SMARCAD1: variants seen among roughly 807,000 people sequenced by gnomAD.
SMARCAD1 encodes the protein SWI/SNF-related matrix-associated actin-dependent regulator of chromatin subfamily A containing DEAD/H box 1.
SMARCAD1 carries 25 observed loss-of-function variants against 127.1 expected under a neutral mutation model. The ratio of observed to expected loss-of-function variants is 0.20; its 90% CI spans 0.14 to 0.27. SMARCAD1 has a LOEUF of 0.27. Ranked by LOEUF, SMARCAD1 falls within the 10% of genes least tolerant of loss-of-function variation. The pLI is 1.00. For missense variants in SMARCAD1, 807 were observed against 1,206.0 expected (o/e 0.67, Z 4.90); for synonymous variants, 400 against 396.9 (o/e 1.01, Z -0.09).
intron 6 of SMARCAD1, among the ~76,000 whole-genome samples, chr4:94,246,080 C>T (rs986898238): frequency 6.6e-6 from 1 of 151,700 alleles, no homozygotes; most frequent in Non-Finnish European, 1.5e-5. Flanking sequence ...GGTACAGAGC[C>T]GTCTCTTAAC....
chr4:94,226,507 AT>A (rs60198579), intron 3 of SMARCAD1, among the ~76,000 whole-genome samples: 18,488 of 112,806 alleles, frequency 0.16, 1,560 homozygotes, highest in African/African-American at 0.29. Flanking sequence ...GATAACAGTG[AT>A]TTTTTTTTTT....
At chr4:94,245,937 A>C (rs28701470) in intron 6 of SMARCAD1, among the ~76,000 whole-genome samples, 86,449 of 151,482 alleles carry the variant, frequency 0.57, 24,802 homozygotes, top group East Asian at 0.72. Flanking sequence ...AAACTCTCTA[A>C]AACGATTTTC....
chr4:94,225,647 A>G (rs1435329365), intron 2 of SMARCAD1, among the ~76,000 whole-genome samples: 3 of 152,222 alleles, frequency 2.0e-5, no homozygotes, highest in East Asian at 3.9e-4. Context: ...GATGCTGGCT[A>G]TGTGCCAATT....
At chr4:94,282,746 T>G (rs1754289722) in intron 21 of SMARCAD1, among the ~76,000 whole-genome samples, 2 of 151,970 alleles carry the variant, frequency 1.3e-5, no homozygotes, top group Admixed American at 1.3e-4. Context: ...AATTTGATCA[T>G]GAAGTCCTTG....
At chr4:94,248,096 G>A (rs776572786) in intron 6 of SMARCAD1, among the ~76,000 whole-genome samples, 31 of 152,218 alleles carry the variant, frequency 2.0e-4, no homozygotes, top group Middle Eastern at 3.4e-3. Context: ...GGGAAATGTG[G>A]TATTTGATTT....
At chr4:94,275,791 A>ATTTT (rs1753174031) in intron 14 of SMARCAD1, among the ~76,000 whole-genome samples, 2 of 61,536 alleles carry the variant, frequency 3.3e-5, no homozygotes, top group African/African-American at 4.8e-5. Flanking sequence ...TAACATTAAC[A>ATTTT]TTTTCTTTTT....
chr4:94,280,899 T>A, intron 20 of SMARCAD1, 119 bp downstream of exon 20: 1 of 967,830 alleles, frequency 1.0e-6, no homozygotes, highest in Non-Finnish European at 1.6e-6. Context: ...CTTCCAGAAC[T>A]TAGTGTTTTG....
At chr4:94,216,089 A>G (rs77156280) in intron 2 of SMARCAD1, among the ~76,000 whole-genome samples, 1,600 of 152,238 alleles carry the variant, frequency 0.011, 25 homozygotes, top group African/African-American at 0.036. Context: ...TCAGGGCCCT[A>G]TTCCTAGACC....
intron 2 of SMARCAD1, among the ~76,000 whole-genome samples, chr4:94,209,824 T>C (rs1000699028): frequency 6.6e-6 from 1 of 152,216 alleles, no homozygotes; most frequent in South Asian, 2.1e-4. Context: ...TGAATAGATA[T>C]TTGACATCCA....
intron 21 of SMARCAD1, 76 bp downstream of exon 21, chr4:94,281,666 C>G: frequency 1.0e-6 from 1 of 952,494 alleles, no homozygotes; most frequent in Non-Finnish European, 1.7e-6. Flanking sequence ...GTCTAACAAA[C>G]AATTGATAGT....
At chr4:94,271,228 G>A (rs1021973317) in intron 11 of SMARCAD1, among the ~76,000 whole-genome samples, 1 of 152,104 alleles carries the variant, frequency 6.6e-6, no homozygotes. Flanking sequence ...CTTTAAAATT[G>A]TAACTTAGAT....
Position 94,226,222 on chromosome 4 carries a change from TGAA to T in SMARCAD1, c.297_299del (p.Glu99del). 1 of 1,613,216 alleles carries T rather than the reference TGAA, an allele frequency of 6.2e-7. No individual in the cohort carries two copies. Among genetic ancestry groups the T allele is most frequent in the Non-Finnish European group, 8.5e-7 (1 of 1,179,330 alleles). On this transcript the variant is annotated inframe_deletion, in exon 3 of 24. Transcript: ENST00000354268. ...AGTATATTGATTTGTCTTCTGATAG[TGAA>T]GATGTCGTTTCCCCAAATTGCTCCA...
Position 94,242,285 on chromosome 4 carries a change from TCCAC to T in SMARCAD1, c.705+1285_705+1288del, listed in dbSNP as rs548153761. Among the ~76,000 whole-genome samples the T allele has an allele frequency of 2.9e-3, 443 of 152,108 alleles. 2 individuals are homozygous for T. Among genetic ancestry groups the T allele is most frequent in the African/African-American group, 0.01 (422 of 41,502 alleles). ...GTCTCGAACTCCTGACCTCAAGTGATCCACCCACCTCGGCTTCCCAAAGTGCTGA... is the reference window on the plus strand; with the variant it reads ...GTCTCGAACTCCTGACCTCAAGTGATCCACCTCGGCTTCCCAAAGTGCTGA... On this transcript the variant is annotated intron_variant, in intron 6 of 23. Transcript: ENST00000354268.
intron 2 of SMARCAD1, among the ~76,000 whole-genome samples, chr4:94,225,203 G>A (rs775438755): frequency 3.9e-5 from 6 of 152,076 alleles, no homozygotes; most frequent in Non-Finnish European, 7.4e-5. Context: ...CTACAGGTTC[G>A]GTGACTTAAG....
intron 9 of SMARCAD1, among the ~76,000 whole-genome samples, chr4:94,263,325 T>C (rs1751288230): frequency 1.3e-5 from 2 of 152,116 alleles, no homozygotes; most frequent in African/African-American, 4.8e-5. Flanking sequence ...CTAAAAGTTC[T>C]AATAGAACCT....
chr4:94,214,952 C>G (rs997042102), intron 2 of SMARCAD1, among the ~76,000 whole-genome samples: 6 of 152,172 alleles, frequency 3.9e-5, no homozygotes, highest in Admixed American at 6.5e-5. Context: ...GAGTATTGCT[C>G]TGCCACATAC....
chr4:94,219,061 G>A (rs1278928760), intron 2 of SMARCAD1, among the ~76,000 whole-genome samples: 2 of 151,884 alleles, frequency 1.3e-5, no homozygotes, highest in African/African-American at 4.8e-5. Context: ...ATCTGCCCAC[G>A]TTGGCCTCCC....
chr4:94,253,039 G>A, intron 9 of SMARCAD1, 32 bp downstream of exon 9: 1 of 1,603,898 alleles, frequency 6.2e-7, no homozygotes, highest in Non-Finnish European at 8.5e-7. Context: ...CCCCTTGTAT[G>A]TGTGTGTGTA....
At chr4:94,208,733 A>G (rs1741676112) in intron 2 of SMARCAD1, 149 bp downstream of exon 2, 8 of 769,234 alleles carry the variant, frequency 1.0e-5, no homozygotes, top group African/African-American at 1.7e-5. Context: ...TGGGACTGCC[A>G]TAAGCACCAT....
Sources: gnomAD v4.1 joint callset for allele counts (sites outside exome capture counted in the v4.1 genomes callset) on GRCh38, gnomAD v4.1.1 for gene constraint, MANE v1.5 for transcripts, NCBI Gene and HGNC (gene_info 2026-07-23, HGNC 2026-07-21) for gene names.